USP9X: variants seen among roughly 807,000 people sequenced by gnomAD.
USP9X encodes the protein ubiquitin carboxyl-terminal hydrolase 9X.
A neutral mutation model predicts 190.3 loss-of-function variants in USP9X; 7 were observed. That is an observed-to-expected ratio of 0.04 (90% CI 0.02 to 0.07). The LOEUF (loss-of-function observed/expected upper bound fraction) is 0.07, where lower values mean the gene tolerates loss of function less well. Among genes scored for constraint, USP9X ranks in the 10% least tolerant of loss-of-function variants. USP9X has a pLI of 1.00. For synonymous variants in USP9X, 645 were observed against 659.5 expected (o/e 0.98, Z 0.34); for missense variants, 1,010 against 1,916.9 (o/e 0.53, Z 8.83).
At chrX:41,107,661 A>G (rs2062080468) in intron 1 of USP9X, among the ~76,000 whole-genome samples, 1 of 110,851 alleles carries the variant, frequency 9.0e-6, no homozygotes, top group Non-Finnish European at 1.9e-5. Context: ...CATTATGCAT[A>G]TGTTGGTTTG....
At chrX:41,125,682 A>ATT (rs1555918313) in intron 2 of USP9X, among the ~76,000 whole-genome samples, 1 of 22,856 alleles carries the variant, frequency 4.4e-5, no homozygotes, top group Non-Finnish European at 8.3e-5. Context: ...ACACACACAC[A>ATT]CACTCTCTCT....
At chrX:41,105,589 T>G (rs762041846) in intron 1 of USP9X, among the ~76,000 whole-genome samples, 8 of 112,355 alleles carry the variant, frequency 7.1e-5, no homozygotes, top group Admixed American at 2.8e-4. Context: ...CTATTGTGAC[T>G]AATGCCGCTA....
At chrX:41,193,836 A>G (rs1178970702) in intron 26 of USP9X, among the ~76,000 whole-genome samples, 1 of 111,485 alleles carries the variant, frequency 9.0e-6, no homozygotes, top group Non-Finnish European at 1.9e-5. Context: ...AGTAAAAGGG[A>G]CTGACTGTTG....
chrX:41,168,596 G>A (rs2062697939), intron 18 of USP9X, among the ~76,000 whole-genome samples: 1 of 112,270 alleles, frequency 8.9e-6, no homozygotes, highest in Non-Finnish European at 1.9e-5. Flanking sequence ...GGGCTCAAGC[G>A]ACCTTTCCAC....
Position 41,096,245 on chromosome X carries a change from G to A in USP9X, c.-159+10136G>A, listed in dbSNP as rs1005431292. Among the ~76,000 whole-genome samples, 4 of 112,712 alleles carry A rather than the reference G, an allele frequency of 3.5e-5. No individual in the cohort carries two copies. In the Admixed American group the frequency reaches 3.7e-4, roughly 11 times the overall value. Reference sequence around the variant, plus strand: ...GACTGGCATCCAGAGAGCATTAATTGTAGCCTCTCCTTGGTTTGTGTAGAT... The same window carrying A: ...GACTGGCATCCAGAGAGCATTAATTATAGCCTCTCCTTGGTTTGTGTAGAT... On this transcript the variant is annotated intron_variant, in intron 1 of 44. Coordinates refer to ENST00000378308, the MANE Select transcript of USP9X (RefSeq NM_001039591.3).
intron 36 of USP9X, among the ~76,000 whole-genome samples, chrX:41,218,132 A>G (rs1443388977): frequency 2.7e-5 from 3 of 111,939 alleles, no homozygotes; most frequent in Non-Finnish European, 5.6e-5. Flanking sequence ...CATTGAATCT[A>G]GGAAGAGTTT....
chrX:41,206,752 TTTA>T (rs1192046973), intron 32 of USP9X, among the ~76,000 whole-genome samples: 2 of 109,826 alleles, frequency 1.8e-5, no homozygotes, highest in South Asian at 3.8e-4. Context: ...ACAGCAATTT[TTTA>T]TTATTATTAT....
chrX:41,223,007 A>G (rs1404347259), intron 38 of USP9X, among the ~76,000 whole-genome samples: 2 of 112,376 alleles, frequency 1.8e-5, no homozygotes, highest in African/African-American at 6.5e-5. Flanking sequence ...CTTATACTCA[A>G]TGGGTGAGTT....
chrX:41,193,689 G>T (rs755853605), intron 26 of USP9X, among the ~76,000 whole-genome samples: 3 of 111,137 alleles, frequency 2.7e-5, no homozygotes, highest in African/African-American at 9.8e-5. Context: ...TTAGCTGGAT[G>T]TGGTAGCATG....
At chrX:41,122,855 C>G (rs912050499) in intron 1 of USP9X, among the ~76,000 whole-genome samples, 1 of 110,824 alleles carries the variant, frequency 9.0e-6, no homozygotes. Flanking sequence ...TCCTGGAGTT[C>G]GGCTATCTCA....
intron 20 of USP9X, among the ~76,000 whole-genome samples, chrX:41,171,452 G>A (rs2062725221): frequency 8.9e-6 from 1 of 112,106 alleles, no homozygotes; most frequent in Non-Finnish European, 1.9e-5. Context: ...CGCCCCTCCC[G>A]ACAGAAATTT....
At chrX:41,132,750 AT>A (rs113614365) in intron 4 of USP9X, among the ~76,000 whole-genome samples, 20,398 of 100,228 alleles carry the variant, frequency 0.2, 1,581 homozygotes, top group Admixed American at 0.27. Flanking sequence ...TACCCAGCCT[AT>A]TTTTTTTTTT....
At chrX:41,104,456 A>G (rs775541219) in intron 1 of USP9X, among the ~76,000 whole-genome samples, 3 of 112,416 alleles carry the variant, frequency 2.7e-5, no homozygotes, top group Non-Finnish European at 5.6e-5. Context: ...ATGCAATGGA[A>G]TAACAGCTAT....
At chrX:41,104,252 A>G (rs760028974) in intron 1 of USP9X, among the ~76,000 whole-genome samples, 9 of 111,456 alleles carry the variant, frequency 8.1e-5, no homozygotes, top group Non-Finnish European at 1.5e-4. Flanking sequence ...TTTTTTGTAG[A>G]GAAGGATTTT....
intron 21 of USP9X, among the ~76,000 whole-genome samples, chrX:41,176,568 T>C (rs778676994): frequency 8.9e-6 from 1 of 111,986 alleles, no homozygotes; most frequent in East Asian, 2.8e-4. Flanking sequence ...CATGAAAGTC[T>C]AGTTTAGGAT....
At chrX:41,136,420 C>G (rs145100340) in intron 5 of USP9X, among the ~76,000 whole-genome samples, 1,644 of 112,547 alleles carry the variant, frequency 0.015, 24 homozygotes, top group African/African-American at 0.048. Context: ...CTCAGCCTCC[C>G]AAAGTGTTGG....
chrX:41,231,138 T>A (rs771078986), intron 44 of USP9X, among the ~76,000 whole-genome samples: 3 of 111,735 alleles, frequency 2.7e-5, no homozygotes, highest in Non-Finnish European at 5.6e-5. Context: ...GAAACCAAAA[T>A]GTGACTAAAT....
chrX:41,089,565 A>T (rs1425459778), intron 1 of USP9X, among the ~76,000 whole-genome samples: 1 of 111,746 alleles, frequency 8.9e-6, no homozygotes, highest in African/African-American at 3.3e-5. Flanking sequence ...ATTACACAAC[A>T]TTCCTAAAAG....
intron 1 of USP9X, among the ~76,000 whole-genome samples, chrX:41,104,398 T>TA (rs1391982516): frequency 1.8e-5 from 2 of 112,203 alleles, no homozygotes; most frequent in African/African-American, 6.5e-5. Context: ...ATTTACTTTT[T>TA]AAAAAATAGG....
Sources: gnomAD v4.1 joint callset for allele counts (sites outside exome capture counted in the v4.1 genomes callset) on GRCh38, gnomAD v4.1.1 for gene constraint, MANE v1.5 for transcripts, NCBI Gene and HGNC (gene_info 2026-07-23, HGNC 2026-07-21) for gene names.